Variants in PIP5K1A observed in about 807,000 individuals in gnomAD.
PIP5K1A encodes the protein phosphatidylinositol 4-phosphate 5-kinase type-1 alpha.
In PIP5K1A, 46 loss-of-function variants were observed where a neutral mutation model predicts 72.9. That is an observed-to-expected ratio of 0.63 (90% CI 0.50 to 0.81). The LOEUF is 0.81. PIP5K1A is among the 30% of genes least tolerant of loss of function. The probability of loss-of-function intolerance (pLI) is 0.00; values close to 1 mark genes in which losing one functional copy is unlikely to be tolerated. For synonymous variants in PIP5K1A, 228 were observed against 255.1 expected, an observed-to-expected ratio of 0.89 and a Z score of 1.01; for missense variants, 458 against 706.1, an observed-to-expected ratio of 0.65 and a Z score of 3.98.
intron 1 of PIP5K1A, among the ~76,000 whole-genome samples, chr1:151,218,793 A>G (rs1484694839): frequency 2.8e-5 from 4 of 140,734 alleles, no homozygotes; most frequent in African/African-American, 8.0e-5. Context: ...AGATCACACT[A>G]CTGCACTCCA....
At chr1:151,196,001 T>C (rs910007857), upstream of PIP5K1A, among the ~76,000 whole-genome samples, 1 of 141,572 alleles carries the variant, frequency 7.1e-6, no homozygotes, top group African/African-American at 2.6e-5. Context: ...TTCATGCCAT[T>C]CTCCTGCCTC....
At chr1:151,228,908 A>G (rs1689562648) in intron 4 of PIP5K1A, among the ~76,000 whole-genome samples, 1 of 151,566 alleles carries the variant, frequency 6.6e-6, no homozygotes, top group African/African-American at 2.4e-5. Flanking sequence ...TTTTTTTAAG[A>G]AATGGGATCT....
chr1:151,236,796 C>T (rs1280285152), intron 9 of PIP5K1A, 33 bp downstream of exon 9: 2 of 1,020,080 alleles, frequency 2.0e-6, no homozygotes, highest in Admixed American at 4.0e-5. Flanking sequence ...GGGGGGAGAA[C>T]ATAGGCCCAC....
intron 3 of PIP5K1A, among the ~76,000 whole-genome samples, chr1:151,226,728 A>AG (rs1689203662): frequency 7.0e-6 from 1 of 142,292 alleles, no homozygotes; most frequent in Non-Finnish European, 1.5e-5. Context: ...AAAAAAAAAA[A>AG]AGTACTCTTA....
intron 1 of PIP5K1A, among the ~76,000 whole-genome samples, chr1:151,208,361 C>CTTTTTT (rs11340275): frequency 2.4e-5 from 3 of 125,982 alleles, no homozygotes; most frequent in Non-Finnish European, 3.4e-5. Context: ...GTTTTCTTTT[C>CTTTTTT]TTTTTTTTTT....
intron 15 of PIP5K1A, 23 bp downstream of exon 15, chr1:151,246,988 A>T (rs1692598463): frequency 6.2e-7 from 1 of 1,603,672 alleles, no homozygotes. Flanking sequence ...GATGTGTGGG[A>T]GGTGAACGTT....
chr1:151,196,747 G>A (rs587608148), upstream of PIP5K1A, among the ~76,000 whole-genome samples: 20 of 151,954 alleles, frequency 1.3e-4, no homozygotes, highest in East Asian at 3.7e-3. Flanking sequence ...TTTTAGTAGA[G>A]ACGGCGTTTC....
chr1:151,220,057 G>A (rs1415086412), intron 1 of PIP5K1A, among the ~76,000 whole-genome samples: 1 of 151,996 alleles, frequency 6.6e-6, no homozygotes, highest in Non-Finnish European at 1.5e-5. Context: ...CCAGGCTGGA[G>A]TGCAGTGGCG....
In PIP5K1A at chr1:151,198,984, G is replaced by T; in HGVS notation, c.-13G>T. On this transcript the variant is annotated 5_prime_UTR_variant, in exon 1 of 16. The change creates a new upstream start codon in the 5' untranslated region. Coordinates refer to ENST00000368888, the MANE Select transcript of PIP5K1A (RefSeq NM_001135638.2). ...AAGAGAGCCAGGCCGCTGAGGGGGA[G>T]GGGGCTGCTAAGATGGCGTCGGCCT... 6.2e-7 allele frequency: 1 copy of T among 1,613,020 alleles called. No homozygotes were observed. Among genetic ancestry groups the T allele is most frequent in the Non-Finnish European group, 8.5e-7 (1 of 1,179,128 alleles).
chr1:151,223,079 A>G (rs948929544), intron 1 of PIP5K1A, among the ~76,000 whole-genome samples: 1 of 151,912 alleles, frequency 6.6e-6, no homozygotes, highest in East Asian at 1.9e-4. Context: ...AGCCAGGCGC[A>G]GTGGCTCACC....
intron 1 of PIP5K1A, among the ~76,000 whole-genome samples, chr1:151,212,258 A>G (rs1429652130): frequency 6.6e-6 from 1 of 152,218 alleles, no homozygotes; most frequent in Non-Finnish European, 1.5e-5. Flanking sequence ...GTTCAAAACC[A>G]TCTTAAAGTT....
At chr1:151,225,524 C>G (rs1486520030) in intron 3 of PIP5K1A, among the ~76,000 whole-genome samples, 1 of 149,942 alleles carries the variant, frequency 6.7e-6, no homozygotes, top group East Asian at 1.9e-4. Flanking sequence ...GTATGGAGTA[C>G]AGTGGCTCGA....
rs1372779233 is a variant in PIP5K1A, at chr1:151,248,234, G to A, written c.*369G>A. On this transcript the variant is annotated 3_prime_UTR_variant, in exon 16 of 16. Coordinates refer to ENST00000368888, the MANE Select transcript of PIP5K1A (RefSeq NM_001135638.2). ...GGCAGCTTTCTTTCCCCTCGTCTTT[G>A]ACTAGGAACCGGACTCTTAATTTCC... The A allele has an allele frequency of 9.3e-6, 3 of 323,958 alleles. No homozygotes were observed. Among genetic ancestry groups the A allele is most frequent in the Non-Finnish European group, 1.7e-5 (3 of 171,832 alleles). The allele number at this position is 323,958 out of a possible 1,614,324, so 20.1% of individuals were successfully genotyped here.
Position 151,239,195 on chromosome 1 carries a change from G to GACT in PIP5K1A, c.1278+18_1278+19insCTA. The GACT allele has an allele frequency of 6.4e-7, 1 of 1,554,174 alleles. No individual in the cohort carries two copies. ...CATGACGGAGTAAGTAGTAATACTA[G>GACT]AGGCTCTCTTACCGTACACTTCTGC... On this transcript the variant is annotated intron_variant, in intron 11 of 15. Coordinates refer to ENST00000368888, the MANE Select transcript of PIP5K1A (RefSeq NM_001135638.2).
intron 1 of PIP5K1A, among the ~76,000 whole-genome samples, chr1:151,204,827 C>T (rs1685712207): frequency 2.0e-5 from 3 of 152,134 alleles, no homozygotes; most frequent in African/African-American, 7.2e-5. Context: ...ACACTCAAGC[C>T]CATTGTCAGT....
At chr1:151,198,046 A>G (rs1447304535), upstream of PIP5K1A, 5 of 470,850 alleles carry the variant, frequency 1.1e-5, no homozygotes, top group East Asian at 7.0e-5. Context: ...GAACTCCGTC[A>G]CTGTGCAGTG....
chr1:151,229,029 G>A (rs754817089), intron 4 of PIP5K1A, among the ~76,000 whole-genome samples: 28 of 151,674 alleles, frequency 1.8e-4, no homozygotes, highest in Non-Finnish European at 4.0e-4. Context: ...TTAGCTGGGC[G>A]CGGTGGTGGG....
chr1:151,223,452 T>A (rs1223731588), intron 1 of PIP5K1A, among the ~76,000 whole-genome samples: 1 of 150,438 alleles, frequency 6.6e-6, no homozygotes, highest in African/African-American at 2.5e-5. Flanking sequence ...GAGACCATCC[T>A]GGCTAACACG....
chr1:151,219,606 A>G (rs1027292016), intron 1 of PIP5K1A, among the ~76,000 whole-genome samples: 7 of 152,078 alleles, frequency 4.6e-5, no homozygotes, highest in Admixed American at 1.3e-4. Flanking sequence ...AGGCAGGAGA[A>G]TCTCTTGAAC....
Sources: gnomAD v4.1 joint callset for allele counts (sites outside exome capture counted in the v4.1 genomes callset) on GRCh38, gnomAD v4.1.1 for gene constraint, MANE v1.5 for transcripts, NCBI Gene and HGNC (gene_info 2026-07-23, HGNC 2026-07-21) for gene names.